The following VPS8 variants were observed in gnomAD, a reference collection of about 807,000 sequenced individuals.
The protein encoded by VPS8 is vacuolar protein sorting-associated protein 8 homolog.
A neutral mutation model predicts 216.4 loss-of-function variants in VPS8; 129 were observed. The ratio of observed to expected loss-of-function variants is 0.60; its 90% confidence interval spans 0.52 to 0.69. VPS8 has a LOEUF of 0.69. Ranked by LOEUF, VPS8 falls within the 30% of genes least tolerant of loss-of-function variation. VPS8 has a pLI of 0.00. For synonymous variants in VPS8, 571 were observed against 565.4 expected (o/e 1.01, Z -0.14); for missense variants, 1,531 against 1,683.5 (o/e 0.91, Z 1.59).
At chr3:184,839,938 TTG>T in intron 7 of VPS8, 186 bp downstream of exon 7, 1 of 1,341,618 alleles carries the variant, frequency 7.5e-7, no homozygotes, top group South Asian at 1.8e-5. Context: ...TTGCTGCTTA[TTG>T]CAAGTTTATT....
At chr3:184,930,347 G>T in intron 33 of VPS8, 123 bp from the exon 34 acceptor site, 2 of 584,808 alleles carry the variant, frequency 3.4e-6, no homozygotes, top group Middle Eastern at 3.7e-4. Flanking sequence ...TTTTCCATCA[G>T]TTAACTATCT....
chr3:184,976,898 A>C (rs571020385), intron 40 of VPS8, among the ~76,000 whole-genome samples: 2 of 152,078 alleles, frequency 1.3e-5, no homozygotes, highest in African/African-American at 4.8e-5. Context: ...TGTCTTTGCT[A>C]TTGTGATAGT....
chr3:184,927,432 C>T (rs983377983), intron 31 of VPS8, among the ~76,000 whole-genome samples: 7 of 152,060 alleles, frequency 4.6e-5, no homozygotes, highest in African/African-American at 1.7e-4. Flanking sequence ...TGCAGAGTAT[C>T]CTAGGTAAAA....
At chr3:184,831,530 T>C (rs1342666137) in intron 3 of VPS8, among the ~76,000 whole-genome samples, 1 of 152,174 alleles carries the variant, frequency 6.6e-6, no homozygotes, top group Admixed American at 6.5e-5. Context: ...TTCTCTGATG[T>C]TTGTCACTCA....
At chr3:184,979,863 G>C (rs1749902786) in intron 40 of VPS8, among the ~76,000 whole-genome samples, 1 of 152,132 alleles carries the variant, frequency 6.6e-6, no homozygotes, top group African/African-American at 2.4e-5. Context: ...TGGTTGTTGT[G>C]CAGACTTCAT....
intron 47 of VPS8, among the ~76,000 whole-genome samples, chr3:185,049,895 G>A (rs895119828): frequency 1.3e-5 from 2 of 152,026 alleles, no homozygotes; most frequent in Admixed American, 1.3e-4. Context: ...GTTATTCCAG[G>A]AAGTTTCTCT....
At chr3:184,820,732 G>C (rs1475836496) in intron 1 of VPS8, among the ~76,000 whole-genome samples, 1 of 152,076 alleles carries the variant, frequency 6.6e-6, no homozygotes, top group Non-Finnish European at 1.5e-5. Context: ...AATAATTGCT[G>C]GTAAGTGACA....
chr3:184,933,776 A>G (rs919825363), intron 34 of VPS8, among the ~76,000 whole-genome samples: 1 of 152,154 alleles, frequency 6.6e-6, no homozygotes, highest in Non-Finnish European at 1.5e-5. Flanking sequence ...TGTGATGAGT[A>G]TATCAAGGAT....
At chr3:184,977,852 A>T (rs1172531779) in intron 40 of VPS8, among the ~76,000 whole-genome samples, 5 of 144,470 alleles carry the variant, frequency 3.5e-5, no homozygotes, top group Non-Finnish European at 7.5e-5. Context: ...ATGTATGTTC[A>T]TCAGGAATAT....
chr3:185,042,016 C>T (rs913588780), intron 46 of VPS8, among the ~76,000 whole-genome samples: 1 of 152,182 alleles, frequency 6.6e-6, no homozygotes, highest in Non-Finnish European at 1.5e-5. Context: ...TGACAAGTCA[C>T]AGCCTTGGGA....
chr3:184,834,516 AAAACAGATCT>A, intron 4 of VPS8, 123 bp from the exon 5 acceptor site: 1 of 689,738 alleles, frequency 1.4e-6, no homozygotes, highest in Non-Finnish European at 2.3e-6. Context: ...AAAAGAAAAA[AAAACAGATCT>A]AACAAATTAC....
intron 10 of VPS8, among the ~76,000 whole-genome samples, chr3:184,851,830 A>G (rs1033572797): frequency 2.0e-5 from 3 of 152,178 alleles, no homozygotes; most frequent in African/African-American, 7.2e-5. Flanking sequence ...TGTAAATGGT[A>G]CAAGTTCAGT....
intron 21 of VPS8, among the ~76,000 whole-genome samples, chr3:184,873,127 A>G (rs1728653189): frequency 6.6e-6 from 1 of 152,266 alleles, no homozygotes. Flanking sequence ...ATGTATTTTT[A>G]TTCTCAAAAC....
intron 35 of VPS8, 39 bp downstream of exon 35, chr3:184,936,374 T>C: frequency 6.6e-7 from 1 of 1,526,648 alleles, no homozygotes; most frequent in African/African-American, 1.4e-5. Flanking sequence ...AAATATCTAG[T>C]GGAAAGACAA....
intron 3 of VPS8, among the ~76,000 whole-genome samples, chr3:184,828,123 CT>C (rs1446143440): frequency 6.6e-6 from 1 of 151,960 alleles, no homozygotes; most frequent in Non-Finnish European, 1.5e-5. Context: ...TGGACATCCA[CT>C]TTTTTTGTTT....
intron 42 of VPS8, among the ~76,000 whole-genome samples, chr3:184,984,997 T>C (rs1047823388): frequency 1.2e-4 from 19 of 152,214 alleles, no homozygotes; most frequent in African/African-American, 4.6e-4. Context: ...TTCATTATAA[T>C]TTTTTCTTAT....
At position 184,894,771 on chromosome 3, in the gene VPS8, A is replaced by T; in HGVS notation, c.1850A>T (p.Glu617Val). The part of the protein sequence containing the change: ...ENSVAKGVFL[E>V]CLEPYILSDK... ...TCAGTGGCCAAAGGAGTATTTTTGG[A>T]GTGCCTTGAGCCATATATTTTAAGT... The change falls in exon 23 of 48, where the codon GAG becomes GTG. Residue 617 changes from glutamate to valine, a missense_variant. Physicochemically the swap from Glu to Val is moderately radical, Grantham distance 121. Coordinates refer to ENST00000625842, the MANE Select transcript of VPS8 (RefSeq NM_001009921.3). 6.2e-7 allele frequency: 1 copy of T among 1,609,688 alleles called. No homozygotes were observed. The highest frequency in any genetic ancestry group is 8.5e-7 in the Non-Finnish European group (1 of 1,177,774).
At chr3:184,883,893 C>T (rs1278585428) in intron 21 of VPS8, among the ~76,000 whole-genome samples, 5 of 152,222 alleles carry the variant, frequency 3.3e-5, no homozygotes, top group African/African-American at 1.2e-4. Flanking sequence ...TACTACTGCC[C>T]TTTATAGTTC....
chr3:185,021,994 C>G (rs1005171354), intron 45 of VPS8, among the ~76,000 whole-genome samples: 2 of 152,020 alleles, frequency 1.3e-5, no homozygotes, highest in African/African-American at 4.8e-5. Flanking sequence ...TGGCCATGTC[C>G]CCACACAAAT....
Sources: allele counts gnomAD v4.1 joint callset (sites outside exome capture counted in the v4.1 genomes callset), GRCh38; gene constraint gnomAD v4.1.1; transcripts MANE v1.5; gene names NCBI Gene and HGNC (gene_info 2026-07-23, HGNC 2026-07-21).